The following GPSM1 variants were observed in gnomAD, a reference collection of about 807,000 sequenced individuals.
GPSM1 encodes the protein G protein signaling modulator 1.
In GPSM1, 48 loss-of-function variants were observed where a neutral mutation model predicts 70.5. The ratio of observed to expected loss-of-function variants is 0.68; its 90% confidence interval spans 0.54 to 0.87. The LOEUF (loss-of-function observed/expected upper bound fraction) is 0.87, where lower values mean the gene tolerates loss of function less well. GPSM1 is among the 40% of genes least tolerant of loss of function. The pLI, the probability that GPSM1 is intolerant of heterozygous loss-of-function variation, is 0.00. For synonymous variants in GPSM1, 416 were observed against 430.1 expected (o/e 0.97, Z 0.41); for missense variants, 981 against 972.6 (o/e 1.01, Z -0.11).
intron 13 of GPSM1, among the ~76,000 whole-genome samples, chr9:136,357,123 G>A (rs1554773347): frequency 6.6e-6 from 1 of 152,218 alleles, no homozygotes; most frequent in Non-Finnish European, 1.5e-5. Flanking sequence ...GGGTGAGCCA[G>A]GTAGGGTGGC....
At chr9:136,339,392 C>T (rs554113352) in intron 7 of GPSM1, among the ~76,000 whole-genome samples, 6 of 152,254 alleles carry the variant, frequency 3.9e-5, no homozygotes, top group African/African-American at 7.2e-5. Context: ...AGGGGGCGAG[C>T]GAGGCCAAGG....
chr9:136,338,216 T>A (rs1171585863), intron 6 of GPSM1, among the ~76,000 whole-genome samples: 1 of 152,178 alleles, frequency 6.6e-6, no homozygotes, highest in African/African-American at 2.4e-5. Context: ...GCCTGCCGGG[T>A]GGAGCCCGGC....
chr9:136,349,650 C>T lies in GPSM1; in HGVS notation c.1342C>T (p.Leu448Phe). 1 of 1,550,558 alleles carries T rather than the reference C, an allele frequency of 6.4e-7. No homozygotes were observed. Among genetic ancestry groups the T allele is most frequent in the Non-Finnish European group, 8.7e-7 (1 of 1,146,938 alleles). Residue 448 changes from leucine to phenylalanine, a missense_variant, in exon 11 of 14, where the codon CTC becomes TTC. Leu to Phe is a conservative substitution (Grantham distance 22). Coordinates refer to ENST00000440944, the MANE Select transcript of GPSM1 (RefSeq NM_001145638.3). Reference sequence around the variant, plus strand: ...GGGGCCCAGCAGGGACTCGCTACCCCTCCCCGTGAGGAGCAGGAAGTACCA... The same window carrying T: ...GGGGCCCAGCAGGGACTCGCTACCCTTCCCCGTGAGGAGCAGGAAGTACCA... Reference protein sequence around the residue: ...WRGPSRDSLPLPVRSRKYQEG... With the variant: ...WRGPSRDSLPFPVRSRKYQEG...
chr9:136,335,328 C>G lies in GPSM1; in HGVS notation c.291-638C>G, dbSNP rs536715641. ...TGGCGTCATCCACTCCCCAGTCTCCCCAACCTACTCCCCGCCGCCCCTTGG... is the reference window on the plus strand; with the variant it reads ...TGGCGTCATCCACTCCCCAGTCTCCGCAACCTACTCCCCGCCGCCCCTTGG... On this transcript the variant is annotated intron_variant, in intron 2 of 13. Coordinates refer to ENST00000440944, the MANE Select transcript of GPSM1 (RefSeq NM_001145638.3). Among the ~76,000 whole-genome samples, 4 of 152,254 alleles carry G rather than the reference C, an allele frequency of 2.6e-5. No homozygotes were observed. The East Asian group carries it at 7.7e-4, about 29-fold the overall frequency.
At chr9:136,337,760 A>G (rs1832280590) in intron 5 of GPSM1, 86 bp from the exon 6 acceptor site, 6 of 1,149,720 alleles carry the variant, frequency 5.2e-6, no homozygotes, top group East Asian at 2.5e-5. Context: ...CTGGCCGGCC[A>G]CCTGGGCAGG....
intron 11 of GPSM1, among the ~76,000 whole-genome samples, chr9:136,351,076 T>C (rs1832649970): frequency 6.6e-6 from 1 of 152,020 alleles, no homozygotes; most frequent in Non-Finnish European, 1.5e-5. Flanking sequence ...CCACTAGAAA[T>C]AGTCTGAAAT....
chr9:136,356,518 G>A lies in GPSM1; in HGVS notation c.1789G>A (p.Asp597Asn), dbSNP rs782604231. The change falls in exon 13 of 14, where the codon GAC (aspartate) becomes AAC (asparagine). Residue 597 changes from aspartate (D) to asparagine (N), a missense_variant. Coordinates refer to ENST00000440944, the MANE Select transcript of GPSM1 (RefSeq NM_001145638.3). The part of the protein sequence containing the change: ...RGHGEPQEPG[D>N]DFFNMLIKYQ... Reference sequence around the variant, plus strand: ...CCACGGCGAGCCCCAGGAGCCGGGGGACGACTTCTTCAACATGCTCATCAA... The same window carrying A: ...CCACGGCGAGCCCCAGGAGCCGGGGAACGACTTCTTCAACATGCTCATCAA... The A allele has an allele frequency of 1.2e-6, 2 of 1,611,800 alleles. No individual in the cohort carries two copies. Among genetic ancestry groups the A allele is most frequent in the Admixed American group, 3.3e-5 (2 of 59,948 alleles).
Position 136,340,830 on chromosome 9 carries a change from C to G in GPSM1, c.1084-40C>G. On this transcript the variant is annotated intron_variant, in intron 8 of 13. Transcript: ENST00000440944. The surrounding 1 kb of genome is among the most constrained non-coding windows in gnomAD (Gnocchi z 7.3). ...CCCCTTGGAGCCCACAGCAGGGCCC[C>G]CAGCCACACCTGCCCGCTCCGCCAC... The G allele has an allele frequency of 6.5e-7, 1 of 1,531,588 alleles. No individual in the cohort carries two copies. The highest frequency in any genetic ancestry group is 1.4e-5 in the African/African-American group (1 of 73,000). 94.9% of individuals were successfully genotyped at this position (1,531,588 alleles called of 1,614,324 possible).
chr9:136,333,581 A>G (rs1396100520), intron 1 of GPSM1, among the ~76,000 whole-genome samples: 1 of 152,176 alleles, frequency 6.6e-6, no homozygotes, highest in Non-Finnish European at 1.5e-5. Flanking sequence ...TCCCTGCCCG[A>G]AGGTGGGGGA....
At position 136,328,382 on chromosome 9, in the gene GPSM1, G is replaced by A. The variant is rs892502852; in HGVS notation, c.68+619G>A. Among the ~76,000 whole-genome samples the A allele has an allele frequency of 5.9e-5, 9 of 152,242 alleles. No homozygotes were observed. The South Asian group carries it at 6.2e-4, about 11-fold the overall frequency. On this transcript the variant is annotated intron_variant, in intron 1 of 13. Coordinates refer to ENST00000440944, the MANE Select transcript of GPSM1 (RefSeq NM_001145638.3). ...CCCAGGGGCTGCCCTGGGCCCAGCCGGGCAGGTGCCTGGAGCCCCAAGCAA... is the reference window on the plus strand; with the variant it reads ...CCCAGGGGCTGCCCTGGGCCCAGCCAGGCAGGTGCCTGGAGCCCCAAGCAA...
chr9:136,327,725 C>T lies in GPSM1; in HGVS notation c.30C>T (p.Asp10=), dbSNP rs1554768043. The stretch of plus-strand genomic sequence containing the variant: ...CGGGCCCGGCCCCGCCCGCGGCCGA[C>T]GAGCTCCCGGGCCCGGCCGCCAGGC... MAGPAPPAA[D]ELPGPAARRL... is the part of the protein sequence containing the mutation. Residue 10 remains aspartate (D), a synonymous_variant, in exon 1 of 14, where the codon GAC becomes GAT. Coordinates refer to ENST00000440944, the MANE Select transcript of GPSM1 (RefSeq NM_001145638.3). The T allele has an allele frequency of 2.5e-6, 3 of 1,184,788 alleles. No individual in the cohort carries two copies. Among genetic ancestry groups the T allele is most frequent in the East Asian group, 7.7e-5 (2 of 26,072 alleles). 73.4% of individuals were successfully genotyped at this position (1,184,788 alleles called of 1,614,324 possible).
chr9:136,330,211 G>C lies in GPSM1; in HGVS notation c.68+2448G>C, dbSNP rs369929342. Among the ~76,000 whole-genome samples the C allele has an allele frequency of 2.6e-5, 4 of 151,932 alleles. No homozygotes were observed. In the East Asian group the frequency reaches 8.0e-4, roughly 31 times the overall value. ...GCCAGCTGAGTGCTCCCCGGGGCTGGGGCCGGGAAGGGGCAGCAGAGCCAC... is the reference window on the plus strand; with the variant it reads ...GCCAGCTGAGTGCTCCCCGGGGCTGCGGCCGGGAAGGGGCAGCAGAGCCAC... On this transcript the variant is annotated intron_variant, in intron 1 of 13. Transcript: ENST00000440944.
In GPSM1 at chr9:136,350,356, G is replaced by T. The variant is rs1692366846; in HGVS notation, c.1455+593G>T. ...GACGAGGCCAACACAGTCCCTGGGG[G>T]AATCCTGGGATCTCTGACACCTGGC... On this transcript the variant is annotated intron_variant, in intron 11 of 13. Coordinates refer to ENST00000440944, the MANE Select transcript of GPSM1 (RefSeq NM_001145638.3). 1.3e-5 allele frequency among the ~76,000 whole-genome samples: 2 copies of T among 152,186 alleles called. 1 individual carries two copies. The highest frequency in any genetic ancestry group is 4.1e-4 in the South Asian group (2 of 4,836).
At chr9:136,328,042 G>T (rs1452890092) in intron 1 of GPSM1, among the ~76,000 whole-genome samples, 2 of 152,114 alleles carry the variant, frequency 1.3e-5, no homozygotes, top group Non-Finnish European at 2.9e-5. Flanking sequence ...CTGGCACCTG[G>T]CAGGGGCACC....
At chr9:136,329,818 T>G (rs556480560) in intron 1 of GPSM1, among the ~76,000 whole-genome samples, 2 of 148,330 alleles carry the variant, frequency 1.3e-5, no homozygotes, top group South Asian at 4.3e-4. Context: ...GGCCCCTGGG[T>G]TCTGGGTCGG....
Position 136,349,680 on chromosome 9 carries a change from G to C in GPSM1, c.1372G>C (p.Gly458Arg). 1 of 1,556,230 alleles carries C rather than the reference G, an allele frequency of 6.4e-7. No individual in the cohort carries two copies. The highest frequency in any genetic ancestry group is 8.7e-7 in the Non-Finnish European group (1 of 1,149,976). Residue 458 changes from glycine (G) to arginine (R), a missense_variant, in exon 11 of 14, where the codon GGC becomes CGC. By Grantham distance (125) the Gly-to-Arg change is moderately radical. Coordinates refer to ENST00000440944, the MANE Select transcript of GPSM1 (RefSeq NM_001145638.3). ...LPVRSRKYQE[G>R]PDAERRPREG... ...CGTGAGGAGCAGGAAGTACCAGGAA[G>C]GCCCGGACGCTGAGAGGAGGCCCCG...
chr9:136,328,809 C>T (rs1027940396), intron 1 of GPSM1, among the ~76,000 whole-genome samples: 6 of 152,230 alleles, frequency 3.9e-5, no homozygotes, highest in Admixed American at 3.9e-4. Flanking sequence ...AGGGGAGGGG[C>T]GTGAGGGTGA....
At chr9:136,353,227 G>A in intron 11 of GPSM1, 1 of 494,780 alleles carries the variant, frequency 2.0e-6, no homozygotes, top group African/African-American at 2.1e-5. Context: ...GAAGCCGGGT[G>A]GGGTGGTCTT....
At chr9:136,329,631 G>T (rs1357796411) in intron 1 of GPSM1, among the ~76,000 whole-genome samples, 2 of 152,174 alleles carry the variant, frequency 1.3e-5, no homozygotes, top group Non-Finnish European at 2.9e-5. Flanking sequence ...TTGGCCCAAG[G>T]TCTCCTCTGC....
Sources: gnomAD v4.1 joint callset for allele counts (sites outside exome capture counted in the v4.1 genomes callset) on GRCh38, gnomAD v4.1.1 for gene constraint, Gnocchi (gnomAD v3.1) non-coding constraint, MANE v1.5 for transcripts, NCBI Gene and HGNC (gene_info 2026-07-23, HGNC 2026-07-21) for gene names.